Variants in OIT3 observed in about 807,000 individuals in gnomAD.
The protein encoded by OIT3 is oncoprotein-induced transcript 3 protein.
Under a neutral mutation model 52.2 loss-of-function variants are expected in OIT3, and 41 were observed. That is an observed-to-expected ratio of 0.79 (90% CI 0.61 to 1.02). The LOEUF is 1.02. OIT3 is among the 50% of genes least tolerant of loss of function. The probability of loss-of-function intolerance (pLI) is 0.00; values close to 1 mark genes in which losing one functional copy is unlikely to be tolerated. For synonymous variants in OIT3, 244 were observed against 276.9 expected, an observed-to-expected ratio of 0.88 and a Z score of 1.18; for missense variants, 634 against 715.5, an observed-to-expected ratio of 0.89 and a Z score of 1.30.
rs1360605133 is a variant in OIT3, at chr10:72,924,600, C to T, written c.1323C>T (p.Thr441=). ...SLVESCFATP[T]SKIDEVLKYY... Reference sequence around the variant, plus strand: ...TGGAGAGCTGCTTTGCCACCCCCACCTCCAAGATCGACGAGGTCCTGAAAT... The same window carrying T: ...TGGAGAGCTGCTTTGCCACCCCCACTTCCAAGATCGACGAGGTCCTGAAAT... The change falls in exon 7 of 9, where the codon ACC becomes ACT. Residue 441 remains threonine (T), a synonymous_variant. Transcript: ENST00000334011. The T allele has an allele frequency of 4.3e-6, 7 of 1,613,924 alleles. No individual in the cohort carries two copies. The Admixed American group carries it at 1.2e-4, about 27-fold the overall frequency.
chr10:72,915,268 G>A (rs944154182), intron 6 of OIT3, among the ~76,000 whole-genome samples: 1 of 152,156 alleles, frequency 6.6e-6, no homozygotes, highest in African/African-American at 2.4e-5. Flanking sequence ...ATAATAATGG[G>A]CTAATTAGGA....
chr10:72,919,075 T>C (rs1269414076), intron 6 of OIT3, among the ~76,000 whole-genome samples: 2 of 152,228 alleles, frequency 1.3e-5, no homozygotes, highest in African/African-American at 2.4e-5. Flanking sequence ...ATTTTAATAA[T>C]ATTGATTCTT....
chr10:72,924,383 T>C lies in OIT3; in HGVS notation c.1106T>C (p.Val369Ala). ...PRLYTISEGY[V>A]PNLRNSPLEI... ...CTGTACACCATTTCTGAAGGATACGTTCCCAACCTTCGAAACTCCCCACTG... is the reference window on the plus strand; with the variant it reads ...CTGTACACCATTTCTGAAGGATACGCTCCCAACCTTCGAAACTCCCCACTG... Residue 369 changes from valine (V) to alanine (A), a missense_variant, in exon 7 of 9, where the codon GTT (valine) becomes GCT (alanine). Physicochemically the swap from Val to Ala is moderately conservative, Grantham distance 64. Transcript: ENST00000334011. 6.2e-7 allele frequency: 1 copy of C among 1,614,098 alleles called. No homozygotes were observed. Among genetic ancestry groups the C allele is most frequent in the Non-Finnish European group, 8.5e-7 (1 of 1,179,986 alleles).
At chr10:72,915,984 G>A (rs542722429) in intron 6 of OIT3, among the ~76,000 whole-genome samples, 1 of 152,150 alleles carries the variant, frequency 6.6e-6, no homozygotes, top group South Asian at 2.1e-4. Context: ...TAAACCTGAG[G>A]GGCTTCATAG....
At chr10:72,926,498 G>A (rs1477910005) in intron 7 of OIT3, among the ~76,000 whole-genome samples, 1 of 152,138 alleles carries the variant, frequency 6.6e-6, no homozygotes, top group African/African-American at 2.4e-5. Flanking sequence ...GAGCCCCTGG[G>A]TGATCCATTC....
chr10:72,908,944 T>TA (rs1221268130), intron 4 of OIT3, among the ~76,000 whole-genome samples: 1 of 151,788 alleles, frequency 6.6e-6, no homozygotes, highest in African/African-American at 2.4e-5. Context: ...TTTTAATTTT[T>TA]TTTTTTTTAG....
At chr10:72,895,804 G>T (rs1294324997) in intron 1 of OIT3, among the ~76,000 whole-genome samples, 2 of 152,184 alleles carry the variant, frequency 1.3e-5, no homozygotes, top group Non-Finnish European at 2.9e-5. Flanking sequence ...CCATTGAGGA[G>T]CTTCTGGCAG....
In OIT3 at chr10:72,932,374, G is replaced by A. The variant is rs1300479629; in HGVS notation, c.1488G>A (p.Arg496=). 1.2e-6 allele frequency: 2 copies of A among 1,614,098 alleles called. No individual in the cohort carries two copies. The highest frequency in any genetic ancestry group is 1.7e-5 in the Admixed American group (1 of 60,006). Residue 496 remains arginine, a synonymous_variant, in exon 9 of 9, where the codon CGG becomes CGA. Coordinates refer to ENST00000334011, the MANE Select transcript of OIT3 (RefSeq NM_152635.3). ...TTCAGGAAGTGTTTCTGCACTGCCG[G>A]GTTCTTGTCTGTGGAGTGTTGGACG... ...KDHKEVFLHC[R]VLVCGVLDER... is the part of the protein sequence containing the mutation.
intron 1 of OIT3, 37 bp downstream of exon 1, chr10:72,893,896 TTTG>T: frequency 1.3e-6 from 2 of 1,532,638 alleles, no homozygotes; most frequent in Middle Eastern, 3.4e-4. Flanking sequence ...CAATGCACTT[TTTG>T]TTGTGGCAAT....
At chr10:72,923,796 C>T (rs1846141938) in intron 6 of OIT3, among the ~76,000 whole-genome samples, 1 of 152,292 alleles carries the variant, frequency 6.6e-6, no homozygotes, top group South Asian at 2.1e-4. Flanking sequence ...ACTGCTTCCA[C>T]TTTCAGACAG....
At chr10:72,911,245 A>G (rs907748287) in intron 4 of OIT3, among the ~76,000 whole-genome samples, 2 of 152,178 alleles carry the variant, frequency 1.3e-5, no homozygotes, top group African/African-American at 4.8e-5. Flanking sequence ...TGTCCTAAAT[A>G]TTTGAGGAGA....
chr10:72,918,203 A>T, intron 6 of OIT3: 2 of 935,520 alleles, frequency 2.1e-6, no homozygotes, highest in Non-Finnish European at 3.5e-6. Flanking sequence ...GCTGTCCACT[A>T]ATATGCACTG....
intron 6 of OIT3, among the ~76,000 whole-genome samples, chr10:72,917,248 C>T (rs1846080877): frequency 6.6e-6 from 1 of 151,328 alleles, no homozygotes; most frequent in Non-Finnish European, 1.5e-5. Context: ...GCCTCTGTCT[C>T]CAATGGTACT....
At chr10:72,924,123 T>C in intron 6 of OIT3, 106 bp from the exon 7 acceptor site, 1 of 987,482 alleles carries the variant, frequency 1.0e-6, no homozygotes, top group Non-Finnish European at 1.5e-6. Context: ...ACCAAATCTC[T>C]AATGTGTTTT....
intron 2 of OIT3, among the ~76,000 whole-genome samples, chr10:72,899,427 T>C (rs1188279203): frequency 6.6e-6 from 1 of 151,798 alleles, no homozygotes. Flanking sequence ...AAACCCTGTC[T>C]CTACTAGAAA....
intron 7 of OIT3, among the ~76,000 whole-genome samples, chr10:72,929,601 C>A (rs1846198186): frequency 6.6e-6 from 1 of 150,494 alleles, no homozygotes; most frequent in Non-Finnish European, 1.5e-5. Flanking sequence ...GAGACAAGGT[C>A]TTGCTATGTT....
intron 1 of OIT3, among the ~76,000 whole-genome samples, chr10:72,894,374 G>T (rs754376203): frequency 1.3e-5 from 2 of 152,118 alleles, no homozygotes; most frequent in African/African-American, 4.8e-5. Flanking sequence ...TGCAAAACTG[G>T]CCAGTCAGGC....
chr10:72,906,481 G>C, intron 3 of OIT3, 115 bp from the exon 4 acceptor site: 1 of 1,113,738 alleles, frequency 9.0e-7, no homozygotes, highest in African/African-American at 1.5e-5. Context: ...AGGGGGAGCT[G>C]GATGGTGGAA....
At position 72,913,484 on chromosome 10, in the gene OIT3, A is replaced by AG. The variant is rs746938502; in HGVS notation, c.951+19dup. 2.5e-6 allele frequency: 4 copies of AG among 1,594,426 alleles called. No individual in the cohort carries two copies. The East Asian group carries it at 9.0e-5, about 36-fold the overall frequency. On this transcript the variant is annotated intron_variant, in intron 6 of 8. Transcript: ENST00000334011. ...AGTGGTCGATGTAGGTTCCTCCTGG[A>AG]GGGCACTTGGGGAATGACCAAAAGC... is the stretch of plus-strand genomic sequence containing the variant.
Sources: gnomAD v4.1 joint callset for allele counts (sites outside exome capture counted in the v4.1 genomes callset) on GRCh38, gnomAD v4.1.1 for gene constraint, MANE v1.5 for transcripts, NCBI Gene and HGNC (gene_info 2026-07-23, HGNC 2026-07-21) for gene names.